SLC29A4: variants seen among roughly 807,000 people sequenced by gnomAD.
SLC29A4 encodes solute carrier family 29 member 4.
A neutral mutation model predicts 43.9 loss-of-function variants in SLC29A4; 36 were observed. The ratio of observed to expected loss-of-function variants is 0.82; its 90% CI spans 0.63 to 1.08. The LOEUF is 1.08. Ranked by LOEUF, SLC29A4 falls within the 50% of genes least tolerant of loss-of-function variation. The probability of loss-of-function intolerance (pLI) is 0.00; values close to 1 mark genes in which losing one functional copy is unlikely to be tolerated. For synonymous variants in SLC29A4, 491 were observed against 338.0 expected (o/e 1.45, Z -4.97); for missense variants, 869 against 755.3 (o/e 1.15, Z -1.77).
chr7:5,298,655 G>T (rs1189707826), intron 7 of SLC29A4, among the ~76,000 whole-genome samples: 2 of 152,094 alleles, frequency 1.3e-5, no homozygotes, highest in Non-Finnish European at 2.9e-5. Context: ...AAAAAGATTG[G>T]CCTGGGTGAT....
At position 5,294,850 on chromosome 7, in the gene SLC29A4, C is replaced by G. The variant is rs200537739; in HGVS notation, c.545-10C>G. The G allele has an allele frequency of 5.0e-6, 8 of 1,612,186 alleles. No homozygotes were observed. The Admixed American group carries it at 1.0e-4, about 20-fold the overall frequency. ...GTGCCTCTGGGTTGTTCCTCTCTCT[C>G]TCTCTTAAGTGCAGCAATCCAGCTT... On this transcript the variant is annotated splice_polypyrimidine_tract_variant and intron_variant, in intron 5 of 10. Coordinates refer to ENST00000396872, the MANE Select transcript of SLC29A4 (RefSeq NM_153247.4).
intron 1 of SLC29A4, among the ~76,000 whole-genome samples, chr7:5,287,169 T>C (rs1231815214): frequency 3.3e-5 from 5 of 152,196 alleles, no homozygotes; most frequent in African/African-American, 1.2e-4. Context: ...CTTACGCCTG[T>C]AACCCCCGCA....
At chr7:5,290,919 G>A (rs1046455089) in intron 3 of SLC29A4, 56 bp downstream of exon 3, 707 of 1,568,882 alleles carry the variant, frequency 4.5e-4, no homozygotes, top group Non-Finnish European at 5.8e-4. Context: ...ATGGCCTGGG[G>A]CCTCCCAGAA....
chr7:5,291,931 C>G, intron 5 of SLC29A4, 110 bp downstream of exon 5: 1 of 1,468,014 alleles, frequency 6.8e-7, no homozygotes, highest in Non-Finnish European at 9.1e-7. Flanking sequence ...ACCGGGCTGG[C>G]TGGGTGCCAG....
At position 5,303,262 on chromosome 7, in the gene SLC29A4, C is replaced by T. The variant is rs971848913; in HGVS notation, c.*323C>T. 1.2e-4 allele frequency: 52 copies of T among 424,652 alleles called. 1 individual carries two copies. Among genetic ancestry groups the T allele is most frequent in the South Asian group, 8.4e-4 (33 of 39,186 alleles). 26.3% of individuals were successfully genotyped at this position (424,652 alleles called of 1,614,324 possible). ...CAGCACTCTGCAGGGTCACACGCACCGTGTCCCCACCCAGGACAGCAGACA... is the reference window on the plus strand; with the variant it reads ...CAGCACTCTGCAGGGTCACACGCACTGTGTCCCCACCCAGGACAGCAGACA... On this transcript the variant is annotated 3_prime_UTR_variant, in exon 11 of 11. Coordinates refer to ENST00000396872, the MANE Select transcript of SLC29A4 (RefSeq NM_153247.4).
rs1281324921 is a variant in SLC29A4 at position 5,299,704 on chromosome 7, C to G, written c.1209+277C>G. On this transcript the variant is annotated intron_variant, in intron 9 of 10. Coordinates refer to ENST00000396872, the MANE Select transcript of SLC29A4 (RefSeq NM_153247.4). ...CGATCACAGGTCCCCTGGGGATGAG[C>G]ACAGGAGGATGCCCCAGAGGGGACT... 2.0e-5 allele frequency among the ~76,000 whole-genome samples: 3 copies of G among 152,336 alleles called. No individual in the cohort carries two copies. In the East Asian group the frequency reaches 5.8e-4, roughly 29 times the overall value.
rs775479568 is a variant in SLC29A4, at chr7:5,291,643, C to T, written c.416-50C>T. ...GCAGGAGGGGCGAGGAGGAGGGGGACCCCACCCAGTTGGCTCCACCACTCC... is the reference window on the plus strand; with the variant it reads ...GCAGGAGGGGCGAGGAGGAGGGGGATCCCACCCAGTTGGCTCCACCACTCC... On this transcript the variant is annotated intron_variant, in intron 4 of 10. Coordinates refer to ENST00000396872, the MANE Select transcript of SLC29A4 (RefSeq NM_153247.4). 7 of 1,536,756 alleles carry T rather than the reference C, an allele frequency of 4.6e-6. No homozygotes were observed. In the East Asian group the frequency reaches 1.6e-4, roughly 35 times the overall value.
chr7:5,283,140 T>C, intron 1 of SLC29A4, 58 bp downstream of exon 1: 1 of 149,598 alleles, frequency 6.7e-6, no homozygotes. Context: ...GGAGCCTTTG[T>C]CTGCGGCGCG....
At position 5,299,016 on chromosome 7, in the gene SLC29A4, A is replaced by G. The variant is rs773827513; in HGVS notation, c.911A>G (p.Asn304Ser). ...FEHPAPALAP[N>S]ESPKDSPAHE... The stretch of plus-strand genomic sequence containing the variant: ...CACCCAGCCCCGGCCCTGGCCCCCA[A>G]CGAGTCCCCAAAGGACAGCCCAGCC... Residue 304 changes from asparagine (N) to serine (S), a missense_variant, in exon 8 of 11, where the codon AAC becomes AGC. Physicochemically the swap from Asn to Ser is conservative, Grantham distance 46 (BLOSUM62 1). Transcript: ENST00000396872. The G allele has an allele frequency of 5.6e-6, 9 of 1,610,978 alleles. No homozygotes were observed. In the Admixed American group the frequency reaches 6.7e-5, roughly 12 times the overall value.
chr7:5,301,985 C>G (rs1183951387), intron 10 of SLC29A4, among the ~76,000 whole-genome samples: 1 of 152,116 alleles, frequency 6.6e-6, no homozygotes, highest in Non-Finnish European at 1.5e-5. Flanking sequence ...GAGTCTTGCT[C>G]TGTTCCCCAG....
At chr7:5,297,931 G>C (rs1185003185) in intron 7 of SLC29A4, among the ~76,000 whole-genome samples, 1 of 152,172 alleles carries the variant, frequency 6.6e-6, no homozygotes, top group Non-Finnish European at 1.5e-5. Flanking sequence ...CCATCCCTGG[G>C]CAGGCAGACG....
chr7:5,294,060 C>G (rs185305795), intron 5 of SLC29A4, among the ~76,000 whole-genome samples: 1 of 151,654 alleles, frequency 6.6e-6, no homozygotes, highest in Non-Finnish European at 1.5e-5. Context: ...GAGCCGAGAT[C>G]GCACCACTGC....
intron 1 of SLC29A4, among the ~76,000 whole-genome samples, chr7:5,284,909 T>C (rs1784859568): frequency 6.6e-6 from 1 of 152,170 alleles, no homozygotes; most frequent in Admixed American, 6.5e-5. Flanking sequence ...GCCAGGAGTG[T>C]TCAGGGCACT....
In SLC29A4 at chr7:5,284,708, C is replaced by T. The variant is rs187757121; in HGVS notation, c.-9+1626C>T. The stretch of plus-strand genomic sequence containing the variant: ...GTGGCCCAGGAAAGGTGGGGGAGAG[C>T]GGCTGCAGCAGGGTCCCCACCCCCT... On this transcript the variant is annotated intron_variant, in intron 1 of 10. Transcript: ENST00000396872. Among the ~76,000 whole-genome samples, 6 of 152,286 alleles carry T rather than the reference C, an allele frequency of 3.9e-5. No individual in the cohort carries two copies. In the South Asian group the frequency reaches 1.0e-3, roughly 26 times the overall value.
chr7:5,297,511 G>A (rs1176957731), intron 7 of SLC29A4, among the ~76,000 whole-genome samples: 1 of 152,228 alleles, frequency 6.6e-6, no homozygotes, highest in African/African-American at 2.4e-5. Flanking sequence ...TCCACATGAT[G>A]TACACTAAAG....
intron 5 of SLC29A4, 25 bp from the exon 6 acceptor site, chr7:5,294,835 G>GT: frequency 1.7e-6 from 2 of 1,175,924 alleles, no homozygotes; most frequent in Non-Finnish European, 2.4e-6. Flanking sequence ...GTGCCTCTGG[G>GT]TTGTTCCTCT....
At chr7:5,296,266 C>T (rs1785649937) in intron 6 of SLC29A4, among the ~76,000 whole-genome samples, 1 of 151,226 alleles carries the variant, frequency 6.6e-6, no homozygotes. Context: ...AATCACGCAC[C>T]ATCTTGTTGC....
chr7:5,295,302 A>G (rs1443869606), intron 6 of SLC29A4, among the ~76,000 whole-genome samples: 1 of 152,026 alleles, frequency 6.6e-6, no homozygotes, highest in African/African-American at 2.4e-5. Flanking sequence ...CATGCACATC[A>G]CACCATGCCT....
chr7:5,293,001 G>C (rs570457797), intron 5 of SLC29A4, among the ~76,000 whole-genome samples: 4 of 150,062 alleles, frequency 2.7e-5, no homozygotes, highest in African/African-American at 9.8e-5. Flanking sequence ...ACCCCGCCCC[G>C]ATAATGTTCT....
Sources: gnomAD v4.1 joint callset for allele counts (sites outside exome capture counted in the v4.1 genomes callset) on GRCh38, gnomAD v4.1.1 for gene constraint, MANE v1.5 for transcripts, NCBI Gene and HGNC (gene_info 2026-07-23, HGNC 2026-07-21) for gene names.